The following TTC29 variants were observed in gnomAD, a reference collection of about 807,000 sequenced individuals.
TTC29 encodes the protein tetratricopeptide repeat protein 29.
In TTC29, 49 loss-of-function variants were observed where a neutral mutation model predicts 58.1. The ratio of observed to expected loss-of-function variants is 0.84; its 90% CI spans 0.67 to 1.07. The LOEUF (loss-of-function observed/expected upper bound fraction) is 1.07, where lower values mean the gene tolerates loss of function less well. Among genes scored for constraint, TTC29 ranks in the 50% least tolerant of loss-of-function variants. The pLI is 0.00. For synonymous variants in TTC29, 209 were observed against 196.8 expected, an observed-to-expected ratio of 1.06 and a Z score of -0.52; for missense variants, 582 against 555.6, an observed-to-expected ratio of 1.05 and a Z score of -0.48.
intron 4 of TTC29, among the ~76,000 whole-genome samples, chr4:146,913,063 A>C (rs923194756): frequency 1.2e-4 from 18 of 152,248 alleles, no homozygotes; most frequent in Non-Finnish European, 2.5e-4. Context: ...GGGGACCTCC[A>C]CGTGTTACCC....
intron 11 of TTC29, among the ~76,000 whole-genome samples, chr4:146,749,336 G>T (rs1168756852): frequency 2.0e-5 from 3 of 151,608 alleles, no homozygotes; most frequent in Non-Finnish European, 1.5e-5. Flanking sequence ...GATATAAAAA[G>T]AACAAAACAA....
chr4:146,829,156 G>A (rs1728000138), intron 9 of TTC29, among the ~76,000 whole-genome samples: 1 of 152,136 alleles, frequency 6.6e-6, no homozygotes, highest in Admixed American at 6.5e-5. Context: ...ATATTCGGAG[G>A]AACAGGACTC....
intron 10 of TTC29, chr4:146,813,112 T>C (rs996230314): frequency 2.6e-5 from 4 of 152,234 alleles, no homozygotes; most frequent in African/African-American, 7.2e-5. Context: ...CATAGAATTT[T>C]CATGCATTAT....
intron 10 of TTC29, among the ~76,000 whole-genome samples, chr4:146,819,100 T>C (rs1024614230): frequency 6.8e-4 from 102 of 149,000 alleles, no homozygotes; most frequent in African/African-American, 2.4e-3. Flanking sequence ...AAACTTAAAG[T>C]ATAACAATAA....
intron 9 of TTC29, among the ~76,000 whole-genome samples, chr4:146,824,292 T>C (rs1727599944): frequency 6.6e-6 from 1 of 152,194 alleles, no homozygotes; most frequent in African/African-American, 2.4e-5. Context: ...ACCCAGTTTA[T>C]TGAGAGTTTT....
intron 9 of TTC29, among the ~76,000 whole-genome samples, chr4:146,827,863 T>A (rs1403737448): frequency 1.3e-5 from 2 of 152,188 alleles, no homozygotes; most frequent in African/African-American, 4.8e-5. Context: ...CTGAAAACAT[T>A]CATCATGTGA....
intron 10 of TTC29, among the ~76,000 whole-genome samples, chr4:146,813,762 T>C (rs1751184917): frequency 1.3e-5 from 2 of 152,020 alleles, no homozygotes; most frequent in Non-Finnish European, 2.9e-5. Context: ...GGAGGGAGGA[T>C]CACTTGAGGG....
chr4:146,727,349 A>G (rs962631070), intron 11 of TTC29, among the ~76,000 whole-genome samples: 1 of 152,156 alleles, frequency 6.6e-6, no homozygotes, highest in Non-Finnish European at 1.5e-5. Flanking sequence ...ACCTTGACAA[A>G]TCGTTATCAC....
intron 11 of TTC29, among the ~76,000 whole-genome samples, chr4:146,779,004 G>GCAAAGAAAAGA (rs1554013322): frequency 1.3e-5 from 1 of 79,896 alleles, no homozygotes; most frequent in Non-Finnish European, 2.4e-5. Flanking sequence ...AAAAAAAAAA[G>GCAAAGAAAAGA]AAAAGAAAAG....
intron 11 of TTC29, 103 bp downstream of exon 11, chr4:146,803,354 T>A: frequency 2.4e-6 from 2 of 850,966 alleles, no homozygotes; most frequent in Non-Finnish European, 3.6e-6. Context: ...AAATTACCAA[T>A]CAAATTAAAA....
chr4:146,937,636 A>G lies in TTC29; in HGVS notation c.134T>C (p.Leu45Pro). The G allele has an allele frequency of 6.5e-7, 1 of 1,543,374 alleles. No homozygotes were observed. The highest frequency in any genetic ancestry group is 1.2e-5 in the South Asian group (1 of 82,144). Residue 45 changes from leucine to proline, a missense_variant, in exon 4 of 13, where the codon CTA becomes CCA. Coordinates refer to ENST00000325106, the MANE Select transcript of TTC29 (RefSeq NM_031956.4). ...TGATAATCCTTTGAAATTTACCTCT[A>G]GATAATGATCTATGTCATCTTTTTC... ...IKEKDDIDHY[L>P]EVNFKGLSKE...
chr4:146,878,167 AG>A (rs1383878977), intron 6 of TTC29, among the ~76,000 whole-genome samples: 2 of 152,194 alleles, frequency 1.3e-5, no homozygotes, highest in Non-Finnish European at 2.9e-5. Flanking sequence ...TGACTACAGA[AG>A]GCAACCTTGG....
intron 8 of TTC29, among the ~76,000 whole-genome samples, chr4:146,854,625 C>A (rs1561191098): frequency 1.3e-5 from 2 of 152,080 alleles, no homozygotes; most frequent in African/African-American, 4.8e-5. Context: ...AAGAGTTTTT[C>A]TGGGACAGAT....
chr4:146,849,564 G>T (rs1031267772), intron 8 of TTC29, among the ~76,000 whole-genome samples: 2 of 152,066 alleles, frequency 1.3e-5, no homozygotes, highest in Non-Finnish European at 2.9e-5. Context: ...CCTATTAGCA[G>T]CTGCTATTTT....
intron 11 of TTC29, among the ~76,000 whole-genome samples, chr4:146,723,623 G>A (rs1288852139): frequency 6.6e-6 from 1 of 152,194 alleles, no homozygotes; most frequent in Non-Finnish European, 1.5e-5. Flanking sequence ...ACAAACGTAT[G>A]AGAAAGTGCT....
chr4:146,929,240 A>G (rs1323441494), intron 4 of TTC29, among the ~76,000 whole-genome samples: 3 of 152,240 alleles, frequency 2.0e-5, no homozygotes, highest in Non-Finnish European at 4.4e-5. Flanking sequence ...TTTCCCTGCC[A>G]TATGAAACAG....
chr4:146,869,592 A>G (rs1043236522), intron 7 of TTC29, among the ~76,000 whole-genome samples: 5 of 152,130 alleles, frequency 3.3e-5, no homozygotes, highest in African/African-American at 9.7e-5. Context: ...TTAGAGAGTT[A>G]AAAGTTGGCT....
chr4:146,821,628 T>G (rs1340629096), intron 9 of TTC29, among the ~76,000 whole-genome samples: 1 of 152,140 alleles, frequency 6.6e-6, no homozygotes, highest in African/African-American at 2.4e-5. Flanking sequence ...CATTTTTCAA[T>G]GAAGTAATGT....
intron 8 of TTC29, among the ~76,000 whole-genome samples, chr4:146,857,083 T>C (rs956294104): frequency 6.6e-6 from 1 of 152,090 alleles, no homozygotes; most frequent in Admixed American, 6.6e-5. Context: ...TAAGATTATA[T>C]AATAATTCTG....
Sources: gnomAD v4.1 joint callset for allele counts (sites outside exome capture counted in the v4.1 genomes callset) on GRCh38, gnomAD v4.1.1 for gene constraint, MANE v1.5 for transcripts, NCBI Gene and HGNC (gene_info 2026-07-23, HGNC 2026-07-21) for gene names.